The following MYO5B variants were observed in gnomAD, a reference collection of about 807,000 sequenced individuals.
MYO5B encodes the protein unconventional myosin-Vb.
MYO5B carries 143 observed loss-of-function variants against 229.3 expected under a neutral mutation model. The ratio of observed to expected loss-of-function variants is 0.62; its 90% CI spans 0.54 to 0.72. The LOEUF (loss-of-function observed/expected upper bound fraction) is 0.72, where lower values mean the gene tolerates loss of function less well. MYO5B is among the 30% of genes least tolerant of loss of function. The pLI, the probability that MYO5B is intolerant of heterozygous loss-of-function variation, is 0.00. For synonymous variants in MYO5B, 918 were observed against 885.2 expected (o/e 1.04, Z -0.66); for missense variants, 2,321 against 2,331.0 (o/e 1.00, Z 0.09).
intron 4 of MYO5B, among the ~76,000 whole-genome samples, chr18:50,014,076 T>C (rs1216457847): frequency 6.6e-6 from 1 of 152,204 alleles, no homozygotes; most frequent in Non-Finnish European, 1.5e-5. Flanking sequence ...CTTCAAATTC[T>C]TTACTTAAAA....
chr18:49,847,377 G>A, intron 32 of MYO5B, 88 bp from the exon 33 acceptor site: 1 of 1,510,552 alleles, frequency 6.6e-7, no homozygotes, highest in Admixed American at 1.9e-5. Flanking sequence ...TGGAGGATGG[G>A]ACCTGGGGCA....
At chr18:49,976,954 A>G (rs934014412) in intron 9 of MYO5B, among the ~76,000 whole-genome samples, 1 of 152,162 alleles carries the variant, frequency 6.6e-6, no homozygotes, top group Non-Finnish European at 1.5e-5. Flanking sequence ...ATTGCTAGGC[A>G]CGGCACTGCA....
chr18:50,085,928 G>T (rs560640118), intron 1 of MYO5B, among the ~76,000 whole-genome samples: 28 of 151,970 alleles, frequency 1.8e-4, no homozygotes, highest in Non-Finnish European at 3.4e-4. Context: ...GGTGGGGAGA[G>T]GGGGGAGGGA....
chr18:50,037,263 A>T (rs2026459941), intron 3 of MYO5B, among the ~76,000 whole-genome samples: 1 of 143,880 alleles, frequency 7.0e-6, no homozygotes, highest in African/African-American at 2.6e-5. Context: ...AAAAAAAAAA[A>T]TTGAGTTAAT....
intron 27 of MYO5B, among the ~76,000 whole-genome samples, chr18:49,870,038 G>A (rs928132589): frequency 1.3e-5 from 2 of 152,230 alleles, no homozygotes; most frequent in African/African-American, 2.4e-5. Flanking sequence ...TTAGCATGCA[G>A]AAGTCCCCTT....
At chr18:50,116,707 G>A (rs1382911937) in intron 1 of MYO5B, among the ~76,000 whole-genome samples, 2 of 151,654 alleles carry the variant, frequency 1.3e-5, no homozygotes, top group Non-Finnish European at 2.9e-5. Flanking sequence ...ATAGCTTCAC[G>A]GGGGAACTCG....
intron 17 of MYO5B, among the ~76,000 whole-genome samples, chr18:49,918,581 G>A (rs1296907478): frequency 6.6e-6 from 1 of 152,132 alleles, no homozygotes; most frequent in Non-Finnish European, 1.5e-5. Flanking sequence ...GAATGCAAGA[G>A]GTATATGCTT....
intron 4 of MYO5B, among the ~76,000 whole-genome samples, chr18:50,009,919 G>C (rs987405019): frequency 6.6e-6 from 1 of 152,132 alleles, no homozygotes; most frequent in Non-Finnish European, 1.5e-5. Context: ...AGCAGGTCCT[G>C]GGTTCCTGGG....
intron 35 of MYO5B, 57 bp from the exon 36 acceptor site, chr18:49,839,351 C>A: frequency 6.3e-7 from 1 of 1,594,696 alleles, no homozygotes; most frequent in South Asian, 1.1e-5. Context: ...CCCAGCACAA[C>A]TTCCAGGGCT....
At chr18:50,079,712 G>A (rs1426984613) in intron 1 of MYO5B, among the ~76,000 whole-genome samples, 1 of 152,216 alleles carries the variant, frequency 6.6e-6, no homozygotes, top group African/African-American at 2.4e-5. Flanking sequence ...AGCAAAAGGT[G>A]GCATGGGATG....
At chr18:49,893,622 T>C (rs965715407) in intron 22 of MYO5B, among the ~76,000 whole-genome samples, 1 of 152,216 alleles carries the variant, frequency 6.6e-6, no homozygotes, top group Non-Finnish European at 1.5e-5. Flanking sequence ...ATCAGGAGTG[T>C]GGCCTTTTAT....
intron 12 of MYO5B, 86 bp downstream of exon 12, chr18:49,962,180 T>C (rs2025566812): frequency 5.1e-6 from 8 of 1,573,992 alleles, no homozygotes; most frequent in Admixed American, 1.7e-5. Flanking sequence ...TGATCACAGA[T>C]GAAATTCCAC....
chr18:50,164,512 A>G (rs936543073), intron 1 of MYO5B, among the ~76,000 whole-genome samples: 20 of 152,342 alleles, frequency 1.3e-4, no homozygotes, highest in African/African-American at 3.6e-4. Context: ...AGGTATTCAC[A>G]TACATTATTT....
chr18:49,921,656 T>A (rs1407830879), intron 17 of MYO5B, among the ~76,000 whole-genome samples: 1 of 152,234 alleles, frequency 6.6e-6, no homozygotes, highest in Non-Finnish European at 1.5e-5. Flanking sequence ...ACTGCTGTCC[T>A]GCAATGCTGC....
At chr18:50,018,477 G>C (rs2026240398) in intron 4 of MYO5B, among the ~76,000 whole-genome samples, 1 of 152,160 alleles carries the variant, frequency 6.6e-6, no homozygotes, top group Non-Finnish European at 1.5e-5. Flanking sequence ...ATGTCAACAT[G>C]AGGACTTTTA....
At chr18:50,015,113 C>T in intron 4 of MYO5B, among the ~76,000 whole-genome samples, 1 of 152,046 alleles carries the variant, frequency 6.6e-6, no homozygotes, top group Non-Finnish European at 1.5e-5. Context: ...ATAGGAATTC[C>T]CTCTGCAGTG....
At chr18:49,885,053 G>A (rs1053675146) in intron 22 of MYO5B, among the ~76,000 whole-genome samples, 1 of 152,162 alleles carries the variant, frequency 6.6e-6, no homozygotes, top group African/African-American at 2.4e-5. Flanking sequence ...TGGTGCAGCA[G>A]CTCTGGAAAA....
chr18:50,043,369 T>TTA, intron 2 of MYO5B, among the ~76,000 whole-genome samples: 1 of 111,460 alleles, frequency 9.0e-6, no homozygotes, highest in Non-Finnish European at 1.7e-5. Flanking sequence ...ATATATTATA[T>TTA]AATATATAAT....
In MYO5B at chr18:49,866,967, G is replaced by A. The variant is rs538852113; in HGVS notation, c.3604-2587C>T. Reference sequence around the variant, plus strand: ...GAAAAAGGCAGACAAGAGGCCTCCAGGTACAAAGGCCTCAGAGAAGAACAA... The same window carrying A: ...GAAAAAGGCAGACAAGAGGCCTCCAAGTACAAAGGCCTCAGAGAAGAACAA... On this transcript the variant is annotated intron_variant, in intron 27 of 39. Transcript: ENST00000285039. Among the ~76,000 whole-genome samples, 4 of 152,268 alleles carry A rather than the reference G, an allele frequency of 2.6e-5. No homozygotes were observed. In the East Asian group the frequency reaches 7.8e-4, roughly 30 times the overall value.
Sources: gnomAD v4.1 joint callset for allele counts (sites outside exome capture counted in the v4.1 genomes callset) on GRCh38, gnomAD v4.1.1 for gene constraint, MANE v1.5 for transcripts, NCBI Gene and HGNC (gene_info 2026-07-23, HGNC 2026-07-21) for gene names.